SFT2D1: variants seen among roughly 807,000 people sequenced by gnomAD.
SFT2D1 encodes vesicle transport protein SFT2A.
In SFT2D1, 24 loss-of-function variants were observed where a neutral mutation model predicts 28.1. The ratio of observed to expected loss-of-function variants is 0.85; its 90% CI spans 0.62 to 1.20. The LOEUF (loss-of-function observed/expected upper bound fraction) is 1.20, where lower values mean the gene tolerates loss of function less well. Among genes scored for constraint, SFT2D1 ranks in the 50% most tolerant of loss-of-function variants. SFT2D1 has a pLI of 0.00. For synonymous variants in SFT2D1, 82 were observed against 73.7 expected, an observed-to-expected ratio of 1.11 and a Z score of -0.58; for missense variants, 181 against 190.9, an observed-to-expected ratio of 0.95 and a Z score of 0.31.
chr6:166,335,299 C>T, intron 1 of SFT2D1: 1 of 578,416 alleles, frequency 1.7e-6, no homozygotes, highest in South Asian at 1.4e-5. Flanking sequence ...ACAGTGGCAG[C>T]AGGGATGGCT....
In SFT2D1 at chr6:166,324,457, A is replaced by C. The variant is rs1778408285; in HGVS notation, c.410+80T>G. 17 of 1,376,902 alleles carry C rather than the reference A, an allele frequency of 1.2e-5. No individual in the cohort carries two copies. The South Asian group carries it at 2.2e-4, about 17-fold the overall frequency. 85.3% of individuals were successfully genotyped at this position (1,376,902 alleles called of 1,614,324 possible). A position where few individuals can be genotyped will look rare whatever the true frequency, so the allele number is the denominator to read the frequency against. ...GCTCCAAAACACCAGACGAAATGCT[A>C]GGGCTTCACAGGTCCCAAACAAAAT... is the stretch of plus-strand genomic sequence containing the variant. On this transcript the variant is annotated intron_variant, in intron 6 of 7. Coordinates refer to ENST00000361731, the MANE Select transcript of SFT2D1 (RefSeq NM_145169.3).
intron 5 of SFT2D1, chr6:166,325,833 G>A: frequency 2.2e-6 from 1 of 456,886 alleles, no homozygotes; most frequent in Admixed American, 3.8e-5. Flanking sequence ...GCACATGTGT[G>A]TTTACTGACT....
rs11551054 is a variant in SFT2D1 at position 166,326,147 on chromosome 6, C to T, written c.336G>A (p.Leu112=). ...IVMLLCFIFT[L]CAALWWHKKG... ...CATAACTTACCCAAAGAGCAGCACA[C>T]AGGGTAAATATGAAACACAACTACA... Residue 112 remains leucine (L), a synonymous_variant, in exon 5 of 8, where the codon CTG becomes CTA. Transcript: ENST00000361731. The T allele has an allele frequency of 9.3e-6, 15 of 1,613,762 alleles. No individual in the cohort carries two copies. In the South Asian group the frequency reaches 1.3e-4, roughly 14 times the overall value.
At chr6:166,324,771 A>G in intron 5 of SFT2D1, 176 bp from the exon 6 acceptor site, 1 of 600,944 alleles carries the variant, frequency 1.7e-6, no homozygotes, top group Non-Finnish European at 2.9e-6. Context: ...CCCAAAAAAT[A>G]CATTTCCTTT....
At chr6:166,330,774 C>G (rs7757549) in intron 1 of SFT2D1, among the ~76,000 whole-genome samples, 106,488 of 152,128 alleles carry the variant, frequency 0.7, 37,989 homozygotes, top group East Asian at 0.93. Flanking sequence ...GCCTTCCACA[C>G]GCCACCTCCC....
Position 166,328,320 on chromosome 6 carries a change from TCTTCAGTTG to T in SFT2D1, c.262_270del (p.Gln88_Lys90del). 2 of 1,599,374 alleles carry T rather than the reference TCTTCAGTTG, an allele frequency of 1.3e-6. No individual in the cohort carries two copies. The highest frequency in any genetic ancestry group is 8.5e-7 in the Non-Finnish European group (1 of 1,173,390). On this transcript the variant is annotated inframe_deletion, in exon 4 of 8. Transcript: ENST00000361731. Reference sequence around the variant, plus strand: ...AGCAATCTTGTTGCTTCAAACATTTTCTTCAGTTGCTTCACAGGTCCCATTAAAAAGCAT... The same window carrying T: ...AGCAATCTTGTTGCTTCAAACATTTTCTTCACAGGTCCCATTAAAAAGCAT...
At position 166,342,536 on chromosome 6, in the gene SFT2D1, A is replaced by C; in HGVS notation, c.-55T>G. 7 of 1,438,944 alleles carry C rather than the reference A, an allele frequency of 4.9e-6. No homozygotes were observed. Among genetic ancestry groups the C allele is most frequent in the South Asian group, 1.2e-5 (1 of 81,340 alleles). The allele number at this position is 1,438,944 out of a possible 1,614,324, so 89.1% of individuals were successfully genotyped here. ...ACTCTGTTGCCTGCCCCTGACGCCC[A>C]CCAGGAAACCCCGAACCCGAAACCC... On this transcript the variant is annotated 5_prime_UTR_variant, in exon 1 of 8. Transcript: ENST00000361731.
chr6:166,322,997 T>C (rs933467068), intron 6 of SFT2D1, 111 bp from the exon 7 acceptor site: 1 of 846,902 alleles, frequency 1.2e-6, no homozygotes, highest in African/African-American at 1.7e-5. Flanking sequence ...GACTGTACAG[T>C]GGTTCTCAAA....
intron 3 of SFT2D1, 22 bp downstream of exon 3, chr6:166,329,485 T>C: frequency 6.3e-7 from 1 of 1,596,736 alleles, no homozygotes. Flanking sequence ...GCAAACAAGA[T>C]ATTTTGAGAA....
chr6:166,333,441 C>G (rs376923115), intron 1 of SFT2D1, among the ~76,000 whole-genome samples: 2 of 152,342 alleles, frequency 1.3e-5, no homozygotes, highest in South Asian at 2.1e-4. Context: ...AAAATTCCGG[C>G]TGCCGCTCTC....
At chr6:166,341,284 T>A (rs1313145190) in intron 1 of SFT2D1, among the ~76,000 whole-genome samples, 1 of 151,834 alleles carries the variant, frequency 6.6e-6, no homozygotes, top group Non-Finnish European at 1.5e-5. Context: ...CCATCTCTAC[T>A]AAAAACACAA....
At chr6:166,321,602 A>T (rs1180379719) in intron 7 of SFT2D1, among the ~76,000 whole-genome samples, 1 of 152,216 alleles carries the variant, frequency 6.6e-6, no homozygotes, top group African/African-American at 2.4e-5. Flanking sequence ...AATAAAAATA[A>T]AATTTCTACC....
At chr6:166,341,025 T>C (rs1170184767) in intron 1 of SFT2D1, among the ~76,000 whole-genome samples, 3 of 152,242 alleles carry the variant, frequency 2.0e-5, no homozygotes, top group Admixed American at 6.5e-5. Flanking sequence ...CTTTCTGCAA[T>C]GCAAATGTTC....
chr6:166,323,592 T>A (rs1778393977), intron 6 of SFT2D1: 1 of 152,140 alleles, frequency 6.6e-6, no homozygotes, highest in African/African-American at 2.4e-5. Flanking sequence ...ATTTATGGCC[T>A]TTATGCAGAT....
intron 1 of SFT2D1, chr6:166,334,718 T>C: frequency 3.1e-6 from 1 of 326,938 alleles, no homozygotes; most frequent in Non-Finnish European, 6.0e-6. Flanking sequence ...TCGTGGACTG[T>C]GTAGTCATGA....
intron 2 of SFT2D1, among the ~76,000 whole-genome samples, 183 bp downstream of exon 2, chr6:166,329,978 C>A (rs1326001695): frequency 6.6e-6 from 1 of 152,178 alleles, no homozygotes; most frequent in Non-Finnish European, 1.5e-5. Flanking sequence ...CCACAAAACT[C>A]CCCAAAATAC....
chr6:166,339,341 T>C (rs1165146721), intron 1 of SFT2D1, among the ~76,000 whole-genome samples: 1 of 152,086 alleles, frequency 6.6e-6, no homozygotes, highest in Non-Finnish European at 1.5e-5. Flanking sequence ...GCTTTCCAAG[T>C]CACTCCTCAA....
chr6:166,327,988 G>A (rs988035911), intron 4 of SFT2D1, among the ~76,000 whole-genome samples: 7 of 151,906 alleles, frequency 4.6e-5, no homozygotes, highest in African/African-American at 1.7e-4. Context: ...AGTAGAGACG[G>A]GGTTTCATTA....
intron 1 of SFT2D1, among the ~76,000 whole-genome samples, chr6:166,331,032 T>C (rs1410834506): frequency 6.6e-6 from 1 of 152,200 alleles, no homozygotes; most frequent in African/African-American, 2.4e-5. Context: ...CATTCCTATA[T>C]ACCATGCAAA....
Sources: allele counts gnomAD v4.1 joint callset (sites outside exome capture counted in the v4.1 genomes callset), GRCh38; gene constraint gnomAD v4.1.1; transcripts MANE v1.5; gene names NCBI Gene and HGNC (gene_info 2026-07-23, HGNC 2026-07-21).